The following AGTPBP1 variants were observed in gnomAD, a reference collection of about 807,000 sequenced individuals.
The protein encoded by AGTPBP1 is cytosolic carboxypeptidase 1.
A neutral mutation model predicts 143.9 loss-of-function variants in AGTPBP1; 70 were observed. The ratio of observed to expected loss-of-function variants is 0.49; its 90% CI spans 0.40 to 0.59. AGTPBP1 has a LOEUF of 0.59. Among genes scored for constraint, AGTPBP1 ranks in the 20% least tolerant of loss-of-function variants. The pLI, the probability that AGTPBP1 is intolerant of heterozygous loss-of-function variation, is 0.00. For missense variants in AGTPBP1, 1,229 were observed against 1,464.5 expected, an observed-to-expected ratio of 0.84 and a Z score of 2.62; for synonymous variants, 463 against 500.2, an observed-to-expected ratio of 0.93 and a Z score of 0.99.
chr9:85,731,211 T>C (rs1204821868), intron 1 of AGTPBP1, among the ~76,000 whole-genome samples: 1 of 152,212 alleles, frequency 6.6e-6, no homozygotes, highest in Non-Finnish European at 1.5e-5. Flanking sequence ...TAACTTCATC[T>C]TAAAGTACTA....
Position 85,621,297 on chromosome 9 carries a change from A to C in AGTPBP1, c.2016-12T>G, listed in dbSNP as rs746596744. The C allele has an allele frequency of 7.4e-7, 1 of 1,356,912 alleles. No homozygotes were observed. Among genetic ancestry groups the C allele is most frequent in the South Asian group, 1.8e-5 (1 of 54,158 alleles). 84.1% of individuals were successfully genotyped at this position (1,356,912 alleles called of 1,614,324 possible). A position where few individuals can be genotyped will look rare whatever the true frequency, so the allele number is the denominator to read the frequency against. On this transcript the variant is annotated splice_polypyrimidine_tract_variant and intron_variant, in intron 14 of 25. Transcript: ENST00000357081. ...GAGCAATTTTTGTCCTGAAATCATA[A>C]AGGTTTAACCAAAATATATTATTAT...
At chr9:85,802,989 GAGA>G in the AGTPBP1 span, among the ~76,000 whole-genome samples, 1 of 152,222 alleles carries the variant, frequency 6.6e-6, no homozygotes, top group Non-Finnish European at 1.5e-5. Context: ...TGTTTTCAGG[GAGA>G]AGGGGAGACT....
intron 17 of AGTPBP1, among the ~76,000 whole-genome samples, chr9:85,608,826 T>C (rs1830138274): frequency 6.7e-6 from 1 of 150,156 alleles, no homozygotes; most frequent in African/African-American, 2.5e-5. Context: ...ACAAACAAAA[T>C]GAAAAAAACA....
At chr9:85,618,061 G>GA (rs1038003177) in intron 17 of AGTPBP1, among the ~76,000 whole-genome samples, 13 of 152,072 alleles carry the variant, frequency 8.5e-5, no homozygotes, top group African/African-American at 3.1e-4. Flanking sequence ...CCAACATGGT[G>GA]AAACCCCATC....
Position 85,546,999 on chromosome 9 carries a change from T to C in AGTPBP1, c.*110A>G, listed in dbSNP as rs1825773617. The C allele has an allele frequency of 8.9e-7, 1 of 1,127,038 alleles. No individual in the cohort carries two copies. Among genetic ancestry groups the C allele is most frequent in the Non-Finnish European group, 1.2e-6 (1 of 844,084 alleles). 69.8% of individuals were successfully genotyped at this position (1,127,038 alleles called of 1,614,324 possible). A position where few individuals can be genotyped will look rare whatever the true frequency, so the allele number is the denominator to read the frequency against. ...AAACCAAACTGGCCCAAGTTACTTT[T>C]TGTCTTTTTGAGTCAGCTCTGTATA... On this transcript the variant is annotated 3_prime_UTR_variant, in exon 26 of 26. Transcript: ENST00000357081.
chr9:85,786,926 T>C, the AGTPBP1 span, among the ~76,000 whole-genome samples: 1 of 152,188 alleles, frequency 6.6e-6, no homozygotes, highest in African/African-American at 2.4e-5. Flanking sequence ...AATATAAATG[T>C]ACATTATAAA....
At chr9:85,648,609 G>C (rs549540079) in intron 11 of AGTPBP1, among the ~76,000 whole-genome samples, 1 of 152,132 alleles carries the variant, frequency 6.6e-6, no homozygotes, top group African/African-American at 2.4e-5. Context: ...TCAGGAGATC[G>C]AGACCATCCT....
chr9:85,712,869 T>C (rs546651661), intron 1 of AGTPBP1, among the ~76,000 whole-genome samples: 1 of 152,348 alleles, frequency 6.6e-6, no homozygotes, highest in Admixed American at 6.5e-5. Flanking sequence ...GTTCAAATTA[T>C]GCTTTCTGTT....
At chr9:85,671,453 G>A (rs1834477670) in intron 7 of AGTPBP1, among the ~76,000 whole-genome samples, 1 of 151,642 alleles carries the variant, frequency 6.6e-6, no homozygotes, top group South Asian at 2.1e-4. Flanking sequence ...AGTGTTCTAA[G>A]CTGTTTTCCA....
At chr9:85,550,855 C>T (rs1825996319) in intron 25 of AGTPBP1, among the ~76,000 whole-genome samples, 1 of 152,170 alleles carries the variant, frequency 6.6e-6, no homozygotes, top group Admixed American at 6.5e-5. Context: ...CAAGCCTTCA[C>T]CAGCACTGTT....
chr9:85,773,713 A>G, the AGTPBP1 span: 1 of 630,502 alleles, frequency 1.6e-6, no homozygotes, highest in Non-Finnish European at 2.8e-6. Context: ...AGGACCCAAT[A>G]CCTGGCAGGA....
At chr9:85,731,609 C>T (rs1382217932) in intron 1 of AGTPBP1, among the ~76,000 whole-genome samples, 2 of 152,036 alleles carry the variant, frequency 1.3e-5, no homozygotes, top group Non-Finnish European at 2.9e-5. Context: ...CACCAGCCAC[C>T]TAATTGTTTT....
intron 21 of AGTPBP1, 29 bp from the exon 22 acceptor site, chr9:85,586,989 A>G (rs771595414): frequency 6.2e-7 from 1 of 1,612,678 alleles, no homozygotes; most frequent in South Asian, 1.1e-5. Context: ...AAAGACAGAA[A>G]AACACTGGTA....
rs151332238 is a variant in AGTPBP1 at position 85,620,130 on chromosome 9, G to A, written c.2100-829C>T. Among the ~76,000 whole-genome samples, 232 of 152,086 alleles carry A rather than the reference G, an allele frequency of 1.5e-3. 1 individual carries two copies. Among genetic ancestry groups the A allele is most frequent in the African/African-American group, 5.4e-3 (224 of 41,498 alleles). On this transcript the variant is annotated intron_variant, in intron 15 of 25. Transcript: ENST00000357081. ...TTAAAAGAAAAAAAAAAGTGTTTTAGCCAGGCACGGTGGGTCACACTTGTA... is the reference window on the plus strand; with the variant it reads ...TTAAAAGAAAAAAAAAAGTGTTTTAACCAGGCACGGTGGGTCACACTTGTA...
At chr9:85,779,911 A>C in the AGTPBP1 span, among the ~76,000 whole-genome samples, 1 of 152,182 alleles carries the variant, frequency 6.6e-6, no homozygotes, top group Non-Finnish European at 1.5e-5. Context: ...ATAACTGACA[A>C]TGCTAACAAT....
intron 3 of AGTPBP1, among the ~76,000 whole-genome samples, chr9:85,685,250 T>G (rs1199701443): frequency 6.6e-6 from 1 of 152,042 alleles, no homozygotes; most frequent in Admixed American, 6.6e-5. Context: ...GATATAAATT[T>G]ACAGATTCAA....
At position 85,701,293 on chromosome 9, in the gene AGTPBP1, A is replaced by G. The variant is rs182224003; in HGVS notation, c.33-8480T>C. On this transcript the variant is annotated intron_variant, in intron 2 of 25. Transcript: ENST00000357081. ...CACCCACGCTGGAGGACAGTGGTGC[A>G]ATCTTGGCTCACTGCAACCTCTGCT... is the stretch of plus-strand genomic sequence containing the variant. Among the ~76,000 whole-genome samples the G allele has an allele frequency of 2.2e-3, 335 of 150,246 alleles. 3 individuals carry two copies. Among genetic ancestry groups the G allele is most frequent in the African/African-American group, 7.8e-3 (320 of 40,792 alleles).
At chr9:85,619,382 A>C in intron 15 of AGTPBP1, 81 bp from the exon 16 acceptor site, 5 of 992,560 alleles carry the variant, frequency 5.0e-6, no homozygotes, top group Non-Finnish European at 7.4e-6. Flanking sequence ...AATTATAATT[A>C]AAAATACATC....
chr9:85,695,663 TTTCTGCTGCACA>T (rs1256291043), intron 2 of AGTPBP1, among the ~76,000 whole-genome samples: 5 of 152,216 alleles, frequency 3.3e-5, no homozygotes, highest in African/African-American at 9.6e-5. Context: ...CATAAAATCA[TTTCTGCTGCACA>T]TTGAAATATG....
Sources: allele counts gnomAD v4.1 joint callset (sites outside exome capture counted in the v4.1 genomes callset), GRCh38; gene constraint gnomAD v4.1.1; transcripts MANE v1.5; gene names NCBI Gene and HGNC (gene_info 2026-07-23, HGNC 2026-07-21).